C9orf85: variants seen among roughly 807,000 people sequenced by gnomAD.
The protein encoded by C9orf85 is uncharacterized protein C9orf85.
C9orf85 carries 16 observed loss-of-function variants against 14.9 expected under a neutral mutation model. That is an observed-to-expected ratio of 1.08 (90% CI 0.73 to 1.63). The LOEUF (loss-of-function observed/expected upper bound fraction) is 1.63. Among genes scored for constraint, C9orf85 ranks in the 40% most tolerant of loss-of-function variants. C9orf85 has a pLI of 0.00. For missense variants in C9orf85, 172 were observed against 186.1 expected, an observed-to-expected ratio of 0.92 and a Z score of 0.44; for synonymous variants, 45 against 56.8, an observed-to-expected ratio of 0.79 and a Z score of 0.93.
intron 1 of C9orf85, chr9:71,918,531 C>A: frequency 2.1e-6 from 2 of 937,936 alleles, no homozygotes; most frequent in South Asian, 1.4e-5. Context: ...AGGAACTGGG[C>A]CACACAGCAG....
intron 1 of C9orf85, among the ~76,000 whole-genome samples, chr9:71,935,159 C>T (rs1327169745): frequency 6.6e-6 from 1 of 152,092 alleles, no homozygotes; most frequent in Non-Finnish European, 1.5e-5. Flanking sequence ...TATTACTCTT[C>T]GTGGGAATAT....
downstream of C9orf85, among the ~76,000 whole-genome samples, chr9:71,977,084 T>C (rs767607772): frequency 6.6e-6 from 1 of 152,210 alleles, no homozygotes; most frequent in Non-Finnish European, 1.5e-5. Flanking sequence ...GCCCTGACAT[T>C]GTGAAGCTGC....
At chr9:71,925,144 C>T (rs1041117050) in intron 1 of C9orf85, among the ~76,000 whole-genome samples, 2 of 152,122 alleles carry the variant, frequency 1.3e-5, no homozygotes, top group African/African-American at 4.8e-5. Flanking sequence ...GTCTTTTATT[C>T]ACTGCCCAGT....
intron 1 of C9orf85, among the ~76,000 whole-genome samples, chr9:71,913,325 G>A (rs1035138161): frequency 6.6e-6 from 1 of 152,110 alleles, no homozygotes; most frequent in Admixed American, 6.5e-5. Flanking sequence ...AAGGCCCTGT[G>A]TTCATAGGTA....
chr9:71,965,422 C>CCTGT (rs10626007), intron 2 of C9orf85, among the ~76,000 whole-genome samples: 151,340 of 152,214 alleles, frequency 0.99, 75,246 homozygotes, highest in Middle Eastern at 1. Flanking sequence ...TTCAGCTAGT[C>CCTGT]CTGTCAGTAT....
chr9:71,938,088 C>T (rs1362955088), intron 1 of C9orf85, among the ~76,000 whole-genome samples: 1 of 152,016 alleles, frequency 6.6e-6, no homozygotes, highest in Admixed American at 6.6e-5. Flanking sequence ...AATAGTAAGG[C>T]TCAGTAACTT....
intron 1 of C9orf85, among the ~76,000 whole-genome samples, chr9:71,929,379 G>C (rs1828015974): frequency 6.6e-6 from 1 of 152,162 alleles, no homozygotes; most frequent in Non-Finnish European, 1.5e-5. Context: ...CTTTTAATGA[G>C]TGCTTATAAA....
At chr9:71,985,318 C>T (rs1365523272), downstream of C9orf85, 2 of 152,216 alleles carry the variant, frequency 1.3e-5, no homozygotes, top group Non-Finnish European at 2.9e-5. Context: ...TATCTGACTC[C>T]ATGACTCCAG....
chr9:71,940,076 T>A (rs1314782329), intron 1 of C9orf85, among the ~76,000 whole-genome samples: 1 of 152,146 alleles, frequency 6.6e-6, no homozygotes, highest in Non-Finnish European at 1.5e-5. Context: ...ATTAAAAAGA[T>A]CTGCTCTTAG....
At chr9:71,916,491 A>G (rs982588488) in intron 1 of C9orf85, among the ~76,000 whole-genome samples, 3 of 152,162 alleles carry the variant, frequency 2.0e-5, no homozygotes, top group Non-Finnish European at 4.4e-5. Context: ...AAATTATTCA[A>G]CCAAAACTTG....
intron 2 of C9orf85, among the ~76,000 whole-genome samples, chr9:71,959,309 G>T (rs932699997): frequency 1.3e-5 from 2 of 151,466 alleles, no homozygotes; most frequent in African/African-American, 4.9e-5. Context: ...GGCTAATTTT[G>T]TATTTTTAGT....
At chr9:71,912,367 GTTTATC>G (rs1424221422) in intron 1 of C9orf85, among the ~76,000 whole-genome samples, 2 of 152,154 alleles carry the variant, frequency 1.3e-5, no homozygotes, top group African/African-American at 2.4e-5. Context: ...TTGTTTTGCT[GTTTATC>G]TTTAGCAGGA....
At chr9:71,955,203 T>C (rs1822354022) in intron 2 of C9orf85, among the ~76,000 whole-genome samples, 2 of 152,194 alleles carry the variant, frequency 1.3e-5, no homozygotes, top group Non-Finnish European at 2.9e-5. Flanking sequence ...TATGTGTCTA[T>C]CAATTGGCAT....
At chr9:71,974,819 T>A (rs553835620), downstream of C9orf85, among the ~76,000 whole-genome samples, 3 of 152,348 alleles carry the variant, frequency 2.0e-5, no homozygotes, top group South Asian at 6.2e-4. Flanking sequence ...ATCAGACTTT[T>A]AAATTTCTGC....
chr9:71,954,629 TG>T (rs2132324367), intron 2 of C9orf85, among the ~76,000 whole-genome samples: 2 of 152,312 alleles, frequency 1.3e-5, no homozygotes, highest in Admixed American at 1.3e-4. Context: ...GTAATGGTGC[TG>T]GTGGGAGTGT....
At chr9:71,961,181 G>A (rs1822511032) in intron 2 of C9orf85, among the ~76,000 whole-genome samples, 2 of 152,004 alleles carry the variant, frequency 1.3e-5, no homozygotes, top group Admixed American at 1.3e-4. Flanking sequence ...CAGAGTGCTG[G>A]GATTTACAGG....
chr9:71,936,331 A>T (rs1828191304), intron 1 of C9orf85, among the ~76,000 whole-genome samples: 1 of 152,174 alleles, frequency 6.6e-6, no homozygotes, highest in African/African-American at 2.4e-5. Context: ...TGGAGAAAAT[A>T]GTGTCAAAAG....
At chr9:71,934,198 GAC>G (rs1828136157) in intron 1 of C9orf85, among the ~76,000 whole-genome samples, 1 of 2,040 alleles carries the variant, frequency 4.9e-4, no homozygotes, top group Non-Finnish European at 0.015. Flanking sequence ...ACAAAAATTA[GAC>G]AGGTGTTGTG....
At chr9:71,979,027 C>T (rs973954504) in intron 3 of C9orf85, among the ~76,000 whole-genome samples, 1 of 150,438 alleles carries the variant, frequency 6.6e-6, no homozygotes, top group Non-Finnish European at 1.5e-5. Flanking sequence ...GAGTGAGACT[C>T]CGTCTCAAGA....
Sources: gnomAD v4.1 joint callset for allele counts (sites outside exome capture counted in the v4.1 genomes callset) on GRCh38, gnomAD v4.1.1 for gene constraint, MANE v1.5 for transcripts, NCBI Gene and HGNC (gene_info 2026-07-23, HGNC 2026-07-21) for gene names.